Variants in MME observed in about 807,000 individuals in gnomAD.
MME encodes neprilysin.
Under a neutral mutation model 113.2 loss-of-function variants are expected in MME, and 98 were observed. The ratio of observed to expected loss-of-function variants is 0.87; its 90% CI spans 0.74 to 1.02. MME has a LOEUF of 1.02. MME is among the 50% of genes least tolerant of loss of function. The probability of loss-of-function intolerance (pLI) is 0.00; values close to 1 mark genes in which losing one functional copy is unlikely to be tolerated. For missense variants in MME, 836 were observed against 896.0 expected, an observed-to-expected ratio of 0.93 and a Z score of 0.86; for synonymous variants, 292 against 300.6, an observed-to-expected ratio of 0.97 and a Z score of 0.30.
Position 155,160,481 on chromosome 3 carries a change from T to A in MME, c.1660+33T>A, listed in dbSNP as rs1332750092. ...GTATTCTTAAATAATTATTTAATAT[T>A]TCTCTATCGTTCCCAACCTGTAGTG... On this transcript the variant is annotated intron_variant, in intron 17 of 22. Transcript: ENST00000360490. The A allele has an allele frequency of 7.1e-6, 10 of 1,416,104 alleles. No individual in the cohort carries two copies. The South Asian group carries it at 1.2e-4, about 16-fold the overall frequency. 87.7% of individuals were successfully genotyped at this position (1,416,104 alleles called of 1,614,324 possible).
At chr3:155,045,523 C>CTTT (rs57902267) in intron 1 of MME, among the ~76,000 whole-genome samples, 8 of 138,582 alleles carry the variant, frequency 5.8e-5, no homozygotes, top group East Asian at 2.1e-4. Flanking sequence ...AATTAATTAT[C>CTTT]TTTTTTTTTT....
chr3:155,180,292 C>T (rs1712953226), intron 22 of MME, 68 bp from the exon 23 acceptor site: 1 of 1,113,996 alleles, frequency 9.0e-7, no homozygotes, highest in Middle Eastern at 2.0e-4. Context: ...GGAAATGCTT[C>T]AGGGCTCCAG....
intron 3 of MME, among the ~76,000 whole-genome samples, chr3:155,105,136 A>G (rs2108226375): frequency 6.6e-6 from 1 of 152,288 alleles, no homozygotes; most frequent in East Asian, 1.9e-4. Context: ...AGACTGAAGA[A>G]TTTCACTAAT....
rs190620976 is a variant in MME at position 155,090,656 on chromosome 3, G to A, written c.196+5562G>A. On this transcript the variant is annotated intron_variant, in intron 3 of 22. Coordinates refer to ENST00000360490, the MANE Select transcript of MME (RefSeq NM_007289.4). ...TTCATCATGCTACTCAGAATGGTGC[G>A]TGATTTAAGACATATGAGTTGTCTG... 4.6e-5 allele frequency among the ~76,000 whole-genome samples: 7 copies of A among 152,220 alleles called. No homozygotes were observed. The East Asian group carries it at 7.7e-4, about 17-fold the overall frequency.
upstream of MME, among the ~76,000 whole-genome samples, chr3:155,078,671 G>A (rs1337217884): frequency 2.9e-4 from 44 of 151,408 alleles, no homozygotes; most frequent in African/African-American, 9.2e-4. Context: ...GTGTGTGTGT[G>A]TGTGTGTGTG....
At chr3:155,087,045 C>T (rs1715811957) in intron 3 of MME, among the ~76,000 whole-genome samples, 1 of 149,158 alleles carries the variant, frequency 6.7e-6, no homozygotes, top group Non-Finnish European at 1.5e-5. Context: ...CTATGTTGCC[C>T]AAGCTTGGTC....
At chr3:155,125,283 C>A (rs62277287) in intron 8 of MME, among the ~76,000 whole-genome samples, 2 of 83,226 alleles carry the variant, frequency 2.4e-5, no homozygotes, top group Admixed American at 1.6e-4. Flanking sequence ...GGCTCACGCA[C>A]GGTGCGTGCA....
chr3:155,083,461 C>A (rs1486569762), intron 1 of MME: 1 of 152,640 alleles, frequency 6.6e-6, no homozygotes, highest in African/African-American at 2.4e-5. Context: ...CCCCCTTACT[C>A]CCCTCTTAAA....
At chr3:155,151,422 CT>C (rs748941293) in intron 16 of MME, among the ~76,000 whole-genome samples, 3 of 152,132 alleles carry the variant, frequency 2.0e-5, no homozygotes, top group Middle Eastern at 3.2e-3. Context: ...CTTCTAGACA[CT>C]TTTTTCCCCC....
At chr3:155,138,361 G>A in intron 9 of MME, 125 bp downstream of exon 9, 2 of 933,918 alleles carry the variant, frequency 2.1e-6, no homozygotes, top group South Asian at 1.5e-5. Flanking sequence ...TGCATGGCTT[G>A]GTAATAGATC....
intron 16 of MME, 56 bp from the exon 17 acceptor site, chr3:155,160,334 T>C (rs1576659093): frequency 1.8e-6 from 2 of 1,113,592 alleles, no homozygotes; most frequent in East Asian, 4.7e-5. Flanking sequence ...ATTGTGTGAG[T>C]GGGTTGAATC....
At chr3:155,094,845 C>T (rs552790101) in intron 3 of MME, among the ~76,000 whole-genome samples, 1 of 152,264 alleles carries the variant, frequency 6.6e-6, no homozygotes, top group African/African-American at 2.4e-5. Context: ...CTGATTAATC[C>T]CTTGAAGTAA....
At chr3:155,084,034 A>C in intron 1 of MME, 124 bp from the exon 2 acceptor site, 2 of 956,830 alleles carry the variant, frequency 2.1e-6, no homozygotes, top group Non-Finnish European at 3.2e-6. Flanking sequence ...ACTTCTCAAC[A>C]GCAAAAATGT....
chr3:155,054,727 G>C (rs1290829308), intron 1 of MME, among the ~76,000 whole-genome samples: 1 of 152,208 alleles, frequency 6.6e-6, no homozygotes, highest in Non-Finnish European at 1.5e-5. Flanking sequence ...TGAGGCTGGA[G>C]AATTGCTTGA....
intron 15 of MME, among the ~76,000 whole-genome samples, chr3:155,147,899 C>G (rs1721643766): frequency 1.3e-5 from 2 of 152,172 alleles, no homozygotes; most frequent in African/African-American, 4.8e-5. Flanking sequence ...ATACTGCCTT[C>G]TTCTCTCTTT....
chr3:155,169,664 G>A (rs1469622590), intron 20 of MME, among the ~76,000 whole-genome samples: 2 of 152,172 alleles, frequency 1.3e-5, no homozygotes, highest in South Asian at 2.1e-4. Context: ...AGAAAGAGCA[G>A]CATCTACTTG....
At chr3:155,162,469 G>A (rs989776062) in intron 17 of MME, among the ~76,000 whole-genome samples, 3 of 152,098 alleles carry the variant, frequency 2.0e-5, no homozygotes, top group African/African-American at 4.8e-5. Context: ...TCAAGAATTA[G>A]CTATAATAAC....
Position 155,140,280 on chromosome 3 carries a change from G to T in MME, c.945G>T (p.Glu315Asp), listed in dbSNP as rs772396740. 1 of 1,607,286 alleles carries T rather than the reference G, an allele frequency of 6.2e-7. No individual in the cohort carries two copies. The highest frequency in any genetic ancestry group is 1.3e-5 in the African/African-American group (1 of 74,818). The change falls in exon 10 of 23, where the codon GAG becomes GAT. Residue 315 changes from glutamate to aspartate, a missense_variant. Physicochemically the swap from Glu to Asp is conservative, Grantham distance 45. Coordinates refer to ENST00000360490, the MANE Select transcript of MME (RefSeq NM_007289.4). ...AGATCCAAAATAACTTTTCACTAGAGATCAATGGGAAGGTAAGTGGTAAGT... is the reference window on the plus strand; with the variant it reads ...AGATCCAAAATAACTTTTCACTAGATATCAATGGGAAGGTAAGTGGTAAGT... ...LAQIQNNFSL[E>D]INGKPFSWLN...
At chr3:155,042,918 A>ATATATATATATG (rs1713393005) in intron 1 of MME, among the ~76,000 whole-genome samples, 6 of 53,634 alleles carry the variant, frequency 1.1e-4, no homozygotes, top group Admixed American at 2.5e-4. Context: ...ATATATATAT[A>ATATATATATATG]TATATATATA....
Sources: gnomAD v4.1 joint callset for allele counts (sites outside exome capture counted in the v4.1 genomes callset) on GRCh38, gnomAD v4.1.1 for gene constraint, MANE v1.5 for transcripts, NCBI Gene and HGNC (gene_info 2026-07-23, HGNC 2026-07-21) for gene names.